The following CYSTM1 variants were observed in gnomAD, a reference collection of about 807,000 sequenced individuals.
CYSTM1 encodes the protein cysteine rich transmembrane module containing 1.
In CYSTM1, 4 loss-of-function variants were observed where a neutral mutation model predicts 13.1. That is an observed-to-expected ratio of 0.31 (90% CI 0.15 to 0.70). CYSTM1 has a LOEUF of 0.70. Ranked by LOEUF, CYSTM1 falls within the 30% of genes least tolerant of loss-of-function variation. The pLI, the probability that CYSTM1 is intolerant of heterozygous loss-of-function variation, is 0.72. For synonymous variants in CYSTM1, 36 were observed against 42.7 expected (o/e 0.84, Z 0.62); for missense variants, 96 against 121.6 (o/e 0.79, Z 0.99).
intron 2 of CYSTM1, among the ~76,000 whole-genome samples, chr5:140,222,978 A>G (rs1764508821): frequency 6.6e-6 from 1 of 152,236 alleles, no homozygotes; most frequent in Non-Finnish European, 1.5e-5. Flanking sequence ...GACACTGTAC[A>G]TATCCTGGCC....
intron 2 of CYSTM1, among the ~76,000 whole-genome samples, chr5:140,217,611 C>A (rs1164200326): frequency 6.6e-6 from 1 of 152,164 alleles, no homozygotes; most frequent in African/African-American, 2.4e-5. Context: ...CTAGAAAATT[C>A]AGAGTACGCC....
intron 2 of CYSTM1, among the ~76,000 whole-genome samples, chr5:140,231,879 G>T (rs1279085960): frequency 6.6e-6 from 1 of 152,214 alleles, no homozygotes; most frequent in African/African-American, 2.4e-5. Context: ...TATTTGTCTT[G>T]TGAGTAATGG....
intron 2 of CYSTM1, among the ~76,000 whole-genome samples, chr5:140,218,157 G>A (rs773025319): frequency 6.6e-6 from 1 of 152,122 alleles, no homozygotes; most frequent in Non-Finnish European, 1.5e-5. Flanking sequence ...TGGCCCTCCT[G>A]GATTATCACT....
chr5:140,192,103 G>T (rs1764102080), intron 1 of CYSTM1, among the ~76,000 whole-genome samples: 1 of 152,116 alleles, frequency 6.6e-6, no homozygotes, highest in Non-Finnish European at 1.5e-5. Flanking sequence ...ATACAGATGT[G>T]GTTGAAATAG....
At chr5:140,199,259 A>G (rs890703950) in intron 2 of CYSTM1, among the ~76,000 whole-genome samples, 4 of 152,242 alleles carry the variant, frequency 2.6e-5, no homozygotes, top group African/African-American at 9.6e-5. Flanking sequence ...TAATGCTGCA[A>G]TAAACATACC....
chr5:140,194,754 T>C, intron 2 of CYSTM1, 102 bp downstream of exon 2: 2 of 1,393,436 alleles, frequency 1.4e-6, no homozygotes, highest in South Asian at 2.7e-5. Context: ...CCTTTGCAAC[T>C]TGTGCTTGAT....
intron 2 of CYSTM1, among the ~76,000 whole-genome samples, chr5:140,237,074 G>A (rs943013038): frequency 1.3e-5 from 2 of 151,992 alleles, no homozygotes; most frequent in Admixed American, 6.5e-5. Context: ...TCCTTCTCCC[G>A]CACCCTCATG....
At chr5:140,212,983 G>GTATATATATATATATA (rs150669111) in intron 2 of CYSTM1, among the ~76,000 whole-genome samples, 25 of 114,286 alleles carry the variant, frequency 2.2e-4, no homozygotes, top group African/African-American at 7.1e-4. Flanking sequence ...CAAAACAAAA[G>GTATATATATATATATA]TATATATATA....
At chr5:140,195,092 T>G (rs1764138902) in intron 2 of CYSTM1, among the ~76,000 whole-genome samples, 1 of 152,210 alleles carries the variant, frequency 6.6e-6, no homozygotes, top group South Asian at 2.1e-4. Flanking sequence ...GTTTTCATAA[T>G]TCTATTTAAC....
chr5:140,191,988 G>T (rs934456329), intron 1 of CYSTM1, among the ~76,000 whole-genome samples: 3 of 152,150 alleles, frequency 2.0e-5, no homozygotes, highest in African/African-American at 7.2e-5. Context: ...GTCAGGGTGT[G>T]TTGCCAGTTG....
intron 2 of CYSTM1, chr5:140,200,187 T>G (rs190861365): frequency 6.3e-4 from 96 of 152,372 alleles, no homozygotes; most frequent in African/African-American, 2.2e-3. Context: ...AGCCATGAAG[T>G]CTTTGCCTAT....
intron 2 of CYSTM1, among the ~76,000 whole-genome samples, chr5:140,227,384 G>A (rs1428070944): frequency 2.0e-5 from 3 of 152,166 alleles, no homozygotes; most frequent in Non-Finnish European, 4.4e-5. Flanking sequence ...TCTCTGGTTT[G>A]AGCTCCTTGG....
chr5:140,209,617 GC>G (rs35557972), intron 2 of CYSTM1, among the ~76,000 whole-genome samples: 34,317 of 151,996 alleles, frequency 0.23, 4,331 homozygotes, highest in South Asian at 0.46. Context: ...TTTAGTAAAG[GC>G]GGGGTTTCAC....
intron 1 of CYSTM1, among the ~76,000 whole-genome samples, chr5:140,176,063 GA>G (rs935836006): frequency 2.0e-5 from 3 of 152,018 alleles, no homozygotes; most frequent in African/African-American, 4.8e-5. Context: ...TGTTTTGGGG[GA>G]AAAAAAGTTT....
intron 2 of CYSTM1, among the ~76,000 whole-genome samples, chr5:140,214,664 T>C (rs1466353987): frequency 1.3e-5 from 2 of 152,244 alleles, no homozygotes; most frequent in African/African-American, 2.4e-5. Flanking sequence ...TATTATCTCT[T>C]GCATAGCTTT....
intron 2 of CYSTM1, among the ~76,000 whole-genome samples, chr5:140,207,185 A>G (rs550031501): frequency 1.3e-5 from 2 of 152,236 alleles, no homozygotes; most frequent in South Asian, 2.1e-4. Flanking sequence ...ACCTTTTGCT[A>G]TGAGAAGAGA....
intron 2 of CYSTM1, among the ~76,000 whole-genome samples, chr5:140,197,225 G>A (rs1764169488): frequency 6.6e-6 from 1 of 152,174 alleles, no homozygotes; most frequent in Non-Finnish European, 1.5e-5. Context: ...TTTGTCCACT[G>A]TTCATGCAGA....
chr5:140,187,302 TAAAAA>T (rs75475608), intron 1 of CYSTM1, among the ~76,000 whole-genome samples: 15 of 140,980 alleles, frequency 1.1e-4, no homozygotes, highest in African/African-American at 3.9e-4. Flanking sequence ...AATGGGGAGT[TAAAAA>T]AAAAAAAAAG....
chr5:140,187,277 G>A (rs1417740233), intron 1 of CYSTM1, among the ~76,000 whole-genome samples: 3 of 147,498 alleles, frequency 2.0e-5, no homozygotes, highest in Admixed American at 2.0e-4. Flanking sequence ...CAAAGGTTTT[G>A]TTAAAAAAAC....
Sources: gnomAD v4.1 joint callset for allele counts (sites outside exome capture counted in the v4.1 genomes callset) on GRCh38, gnomAD v4.1.1 for gene constraint, MANE v1.5 for transcripts, NCBI Gene and HGNC (gene_info 2026-07-23, HGNC 2026-07-21) for gene names.